The following CHD6 variants were observed in gnomAD, a reference collection of about 807,000 sequenced individuals.
CHD6 encodes the protein chromodomain helicase DNA binding protein 6.
In CHD6, 50 loss-of-function variants were observed where a neutral mutation model predicts 276.9. The observed-to-expected ratio is 0.18, with a 90% CI of 0.14 to 0.23. CHD6 has a LOEUF of 0.23. CHD6 is among the 10% of genes least tolerant of loss of function. The pLI, the probability that CHD6 is intolerant of heterozygous loss-of-function variation, is 1.00. For synonymous variants in CHD6, 1,173 were observed against 1,229.3 expected (o/e 0.95, Z 0.96); for missense variants, 2,564 against 3,365.8 (o/e 0.76, Z 5.89).
intron 1 of CHD6, among the ~76,000 whole-genome samples, chr20:41,575,449 A>AT (rs2045464286): frequency 6.6e-6 from 1 of 152,196 alleles, no homozygotes; most frequent in African/African-American, 2.4e-5. Context: ...CTTTCTTCAC[A>AT]TATGCACCTG....
intron 1 of CHD6, among the ~76,000 whole-genome samples, chr20:41,570,459 G>C (rs2045404661): frequency 6.6e-6 from 1 of 152,210 alleles, no homozygotes; most frequent in Admixed American, 6.5e-5. Flanking sequence ...TACTAGTTGG[G>C]CAAGTAGGTG....
intron 2 of CHD6, among the ~76,000 whole-genome samples, chr20:41,542,259 A>T (rs1028908779): frequency 6.6e-6 from 1 of 152,132 alleles, no homozygotes; most frequent in Admixed American, 6.6e-5. Context: ...GAATAAGACT[A>T]TTTTCCTACC....
intron 17 of CHD6, among the ~76,000 whole-genome samples, chr20:41,462,778 G>A (rs1019937571): frequency 6.6e-6 from 1 of 152,098 alleles, no homozygotes; most frequent in Non-Finnish European, 1.5e-5. Context: ...ATATACAAAT[G>A]AATGCATATA....
chr20:41,512,092 C>G (rs953610161), intron 5 of CHD6, among the ~76,000 whole-genome samples: 2 of 151,958 alleles, frequency 1.3e-5, no homozygotes, highest in Non-Finnish European at 2.9e-5. Context: ...CTCAATCTCC[C>G]AAGTAGCTGG....
At chr20:41,479,655 A>G (rs907629002) in intron 16 of CHD6, among the ~76,000 whole-genome samples, 4 of 152,224 alleles carry the variant, frequency 2.6e-5, no homozygotes, top group Non-Finnish European at 4.4e-5. Flanking sequence ...AAGCCTTAGA[A>G]AGACAGGAGA....
intron 1 of CHD6, among the ~76,000 whole-genome samples, chr20:41,609,094 G>C (rs535306813): frequency 6.6e-6 from 1 of 152,148 alleles, no homozygotes. Context: ...CCAACTATCA[G>C]ATCTAAATTT....
At chr20:41,488,709 T>C (rs2043476876) in intron 12 of CHD6, 105 bp from the exon 13 acceptor site, 2 of 952,576 alleles carry the variant, frequency 2.1e-6, no homozygotes, top group Admixed American at 5.8e-5. Context: ...GGGGCCTAGG[T>C]GAGAAGACAA....
Position 41,533,197 on chromosome 20 carries a change from G to T in CHD6, c.407C>A (p.Pro136Gln). Residue 136 changes from proline to glutamine, a missense_variant, in exon 3 of 37, where the codon CCG becomes CAG. Pro to Gln is a moderately conservative substitution (Grantham distance 76, BLOSUM62 -1). Around this residue, in one of 7 missense-constraint regions of CHD6, gnomAD observed 286 missense variants for 297.8 expected, o/e 0.96. Coordinates refer to ENST00000373233, the MANE Select transcript of CHD6 (RefSeq NM_032221.5). ...EPKEPRKAKE[P>Q]KKAKEHKEPK... ...CTCCTTGTGCTCCTTGGCCTTCTTC[G>T]GCTCCTTGGCCTTTCTGGGTTCCTT... 6.2e-7 allele frequency: 1 copy of T among 1,613,700 alleles called. No individual in the cohort carries two copies.
At chr20:41,483,146 T>A (rs1324654556) in intron 16 of CHD6, among the ~76,000 whole-genome samples, 163 bp downstream of exon 16, 2 of 152,146 alleles carry the variant, frequency 1.3e-5, no homozygotes, top group Non-Finnish European at 2.9e-5. Context: ...GTCCATTTGG[T>A]CATAAAATTT....
intron 17 of CHD6, among the ~76,000 whole-genome samples, chr20:41,471,278 T>G (rs927321107): frequency 6.6e-6 from 1 of 152,180 alleles, no homozygotes; most frequent in African/African-American, 2.4e-5. Flanking sequence ...CCCCTTAATC[T>G]GTATAATTGT....
intron 1 of CHD6, among the ~76,000 whole-genome samples, chr20:41,585,216 T>C (rs908238410): frequency 3.9e-5 from 6 of 152,004 alleles, no homozygotes; most frequent in South Asian, 2.1e-4. Context: ...CAAGAAGATA[T>C]AGAGTAGCCA....
intron 1 of CHD6, among the ~76,000 whole-genome samples, chr20:41,615,618 C>T (rs531176060): frequency 7.9e-5 from 12 of 152,182 alleles, no homozygotes; most frequent in Non-Finnish European, 1.5e-4. Flanking sequence ...AGAGTGCAGC[C>T]TCCTCAGTTG....
chr20:41,573,231 T>C (rs2045438434), intron 1 of CHD6, among the ~76,000 whole-genome samples: 1 of 152,162 alleles, frequency 6.6e-6, no homozygotes, highest in Non-Finnish European at 1.5e-5. Flanking sequence ...CTACCACCAA[T>C]CTAGAACAGA....
In CHD6 at chr20:41,454,643, C is replaced by T; in HGVS notation, c.3103G>A (p.Glu1035Lys). The change falls in exon 20 of 37, where the codon GAA becomes AAA. Residue 1035 changes from glutamate (E) to lysine (K), a missense_variant. Coordinates refer to ENST00000373233, the MANE Select transcript of CHD6 (RefSeq NM_032221.5). ...TGCTGTACCTTTTCATTCTTTGCTT[C>T]AGTGTCTAGTTCAGCTATTTTAGCC... ...KWAKIAELDT[E>K]AKNEKESLVI... The T allele has an allele frequency of 6.2e-7, 1 of 1,612,238 alleles. No individual in the cohort carries two copies. The highest frequency in any genetic ancestry group is 8.5e-7 in the Non-Finnish European group (1 of 1,178,824).
rs1221093774 is a variant in CHD6 at position 41,514,881 on chromosome 20, C to G, written c.626G>C (p.Ser209Thr). The G allele has an allele frequency of 1.2e-6, 2 of 1,614,106 alleles. No individual in the cohort carries two copies. The highest frequency in any genetic ancestry group is 1.7e-6 in the Non-Finnish European group (2 of 1,179,982). ...GKRKSETTVE[S>T]LELDQGLTNP... is the part of the protein sequence containing the mutation. ...CGTCAGGCCCTGATCCAGCTCTAAA[C>G]TCTCCACTGTAGTTTCACTTTTCCT... is the stretch of plus-strand genomic sequence containing the variant. Residue 209 changes from serine (S) to threonine (T), a missense_variant, in exon 4 of 37, where the codon AGT (serine) becomes ACT (threonine). Physicochemically the swap from Ser to Thr is moderately conservative, Grantham distance 58 (BLOSUM62 1). This residue lies in a region of CHD6 where 286 missense variants were observed against 297.8 expected (regional missense o/e 0.96). Transcript: ENST00000373233.
At position 41,497,824 on chromosome 20, in the gene CHD6, G is replaced by A. The variant is rs1415202590; in HGVS notation, c.975-323C>T. The A allele has an allele frequency of 1.6e-5, 7 of 442,942 alleles. No individual in the cohort carries two copies. The East Asian group carries it at 2.5e-4, about 16-fold the overall frequency. 27.4% of individuals were successfully genotyped at this position (442,942 alleles called of 1,614,324 possible). On this transcript the variant is annotated intron_variant, in intron 7 of 36. Coordinates refer to ENST00000373233, the MANE Select transcript of CHD6 (RefSeq NM_032221.5). ...GTAGCAGAAAGGAAAATATACAAGA[G>A]GGGAAAAGAGCATATGCTACAGGAG...
At chr20:41,550,874 C>G (rs1017133678) in intron 2 of CHD6, among the ~76,000 whole-genome samples, 16 of 152,202 alleles carry the variant, frequency 1.1e-4, no homozygotes, top group Non-Finnish European at 2.4e-4. Flanking sequence ...AAATATTTCA[C>G]TATTCTCTCT....
intron 1 of CHD6, among the ~76,000 whole-genome samples, chr20:41,573,538 G>T (rs1037247440): frequency 3.3e-5 from 5 of 151,968 alleles, no homozygotes; most frequent in African/African-American, 9.7e-5. Flanking sequence ...GACAAAGAAG[G>T]GCTAAATTCT....
intron 1 of CHD6, among the ~76,000 whole-genome samples, chr20:41,603,432 G>C (rs2045793457): frequency 6.6e-6 from 1 of 152,234 alleles, no homozygotes; most frequent in Admixed American, 6.5e-5. Context: ...ATCACTATGA[G>C]TTATGGTTGC....
Sources: gnomAD v4.1 joint callset for allele counts (sites outside exome capture counted in the v4.1 genomes callset) on GRCh38, gnomAD v4.1.1 for gene constraint, gnomAD v4.1.1 regional missense constraint, MANE v1.5 for transcripts, NCBI Gene and HGNC (gene_info 2026-07-23, HGNC 2026-07-21) for gene names.